The following DST variants were observed in gnomAD, a reference collection of about 807,000 sequenced individuals.
DST encodes the protein dystonin.
In DST, 253 loss-of-function variants were observed where a neutral mutation model predicts 875.2. The ratio of observed to expected loss-of-function variants is 0.29; its 90% CI spans 0.26 to 0.32. DST has a LOEUF of 0.32. Ranked by LOEUF, DST falls within the 10% of genes least tolerant of loss-of-function variation. DST has a pLI of 1.00. For missense variants in DST, 8,287 were observed against 9,111.6 expected (o/e 0.91, Z 3.68); for synonymous variants, 3,124 against 3,197.1 (o/e 0.98, Z 0.77).
chr6:56,601,390 T>C, intron 44 of DST, 53 bp downstream of exon 44: 1 of 1,233,202 alleles, frequency 8.1e-7, no homozygotes, highest in Non-Finnish European at 1.2e-6. Flanking sequence ...GGTATCTACA[T>C]TATGGTTTCA....
intron 4 of DST, among the ~76,000 whole-genome samples, chr6:56,770,099 C>T (rs189324115): frequency 1.7e-3 from 266 of 152,318 alleles, no homozygotes; most frequent in African/African-American, 5.4e-3. Context: ...CCCTTCAGAG[C>T]ATCCATTCTG....
chr6:56,605,118 G>C lies in DST; in HGVS notation c.9510C>G (p.Phe3170Leu). The change falls in exon 40 of 104, where the codon TTC (phenylalanine) becomes TTG (leucine). Residue 3170 changes from phenylalanine to leucine, a missense_variant. This residue lies in a region of DST where 3,138 missense variants were observed against 3,116.6 expected (regional missense o/e 1.01). Transcript: ENST00000680361. ...WEGNTHFEES[F>L]TDGPEKELDL... ...CAAGCTCTTTCTCAGGTCCATCAGTGAATGACTCCTCAAAATGTGTATTCC... is the reference window on the plus strand; with the variant it reads ...CAAGCTCTTTCTCAGGTCCATCAGTCAATGACTCCTCAAAATGTGTATTCC... 6.2e-7 allele frequency: 1 copy of C among 1,612,580 alleles called. No homozygotes were observed. The highest frequency in any genetic ancestry group is 8.5e-7 in the Non-Finnish European group (1 of 1,179,238).
At chr6:56,722,117 A>C (rs921141209) in intron 5 of DST, among the ~76,000 whole-genome samples, 3 of 142,472 alleles carry the variant, frequency 2.1e-5, no homozygotes, top group African/African-American at 8.3e-5. Context: ...GGACATTAAC[A>C]AAAAAAAAAA....
In DST at chr6:56,606,042, T is replaced by G. The variant is rs1370197996; in HGVS notation, c.8586A>C (p.Lys2862Asn). The G allele has an allele frequency of 6.2e-7, 1 of 1,613,004 alleles. No homozygotes were observed. The highest frequency in any genetic ancestry group is 8.5e-7 in the Non-Finnish European group (1 of 1,179,340). Reference protein sequence around the residue: ...ENINTMILLDKMHSCSSLEKQ... With the variant: ...ENINTMILLDNMHSCSSLEKQ... ...TTTCTAAAGAGCTACAACTGTGCATTTTATCCAGAAGAATCATTGTATTAA... is the reference window on the plus strand; with the variant it reads ...TTTCTAAAGAGCTACAACTGTGCATGTTATCCAGAAGAATCATTGTATTAA... The change falls in exon 40 of 104, where the codon AAA becomes AAC. Residue 2862 changes from lysine to asparagine, a missense_variant. Transcript: ENST00000680361.
Position 56,482,812 on chromosome 6 carries a change from T to C in DST, c.21273A>G (p.Glu7091=). 6.2e-7 allele frequency: 1 copy of C among 1,613,504 alleles called. No homozygotes were observed. The highest frequency in any genetic ancestry group is 1.7e-5 in the Admixed American group (1 of 59,984). ...SVQALKRSAR[E]LIEGSRDDSS... is the part of the protein sequence containing the mutation. The stretch of plus-strand genomic sequence containing the variant: ...AGTCATCCCGACTGCCTTCTATGAG[T>C]TCTCGGGCTGAGCGCTTCAGGGCCT... The change falls in exon 89 of 104, where the codon GAA becomes GAG. Residue 7091 remains glutamate (E), a synonymous_variant. Coordinates refer to ENST00000680361, the MANE Select transcript of DST (RefSeq NM_001374736.1).
At chr6:56,653,323 T>C (rs2152801542) in intron 10 of DST, among the ~76,000 whole-genome samples, 1 of 152,326 alleles carries the variant, frequency 6.6e-6, no homozygotes, top group Admixed American at 6.5e-5. Context: ...TGAAATGGTT[T>C]TCCTCCACTA....
intron 9 of DST, among the ~76,000 whole-genome samples, chr6:56,672,578 C>G (rs746492988): frequency 2.0e-5 from 3 of 152,072 alleles, no homozygotes; most frequent in Non-Finnish European, 1.5e-5. Flanking sequence ...AATTATGCTA[C>G]AGTACCTTTC....
intron 15 of DST, among the ~76,000 whole-genome samples, chr6:56,644,998 C>A (rs2098933890): frequency 6.6e-6 from 1 of 152,218 alleles, no homozygotes; most frequent in South Asian, 2.1e-4. Flanking sequence ...TTCCCCTGCA[C>A]AAGCTCTTGC....
chr6:56,801,654 G>A (rs1270990903), intron 4 of DST, among the ~76,000 whole-genome samples: 1 of 151,014 alleles, frequency 6.6e-6, no homozygotes, highest in African/African-American at 2.4e-5. Flanking sequence ...TGTTTGAGAA[G>A]CCCCAAGGAA....
chr6:56,588,338 T>C (rs2152676945), intron 49 of DST, among the ~76,000 whole-genome samples: 1 of 152,298 alleles, frequency 6.6e-6, no homozygotes, highest in South Asian at 2.1e-4. Flanking sequence ...ATACCAACTT[T>C]TTCATGCAAC....
chr6:56,561,664 A>G (rs559533218), intron 56 of DST, 115 bp from the exon 57 acceptor site: 42 of 967,158 alleles, frequency 4.3e-5, no homozygotes, highest in Non-Finnish European at 5.9e-5. Context: ...GTCATTATTA[A>G]GCCTAGTAGA....
chr6:56,840,396 A>AACAATAAT (rs1423110381), intron 4 of DST, among the ~76,000 whole-genome samples: 7 of 152,222 alleles, frequency 4.6e-5, no homozygotes, highest in Non-Finnish European at 1.0e-4. Context: ...TTTCTAGCCT[A>AACAATAAT]AACAATAATA....
At chr6:56,723,478 C>T (rs1377714361) in intron 5 of DST, among the ~76,000 whole-genome samples, 2 of 152,040 alleles carry the variant, frequency 1.3e-5, no homozygotes, top group Non-Finnish European at 2.9e-5. Flanking sequence ...GCAGGAGAAT[C>T]GCTTAACCCC....
At chr6:56,501,799 G>A in intron 78 of DST, 106 bp from the exon 79 acceptor site, 1 of 756,080 alleles carries the variant, frequency 1.3e-6, no homozygotes, top group East Asian at 3.2e-5. Flanking sequence ...ACTTACTGAG[G>A]GGAGGTGACG....
At chr6:56,590,112 C>T (rs907128502) in intron 49 of DST, among the ~76,000 whole-genome samples, 22 of 152,210 alleles carry the variant, frequency 1.4e-4, no homozygotes, top group African/African-American at 5.1e-4. Context: ...TTTAATTGTA[C>T]ATTTAATTTT....
At chr6:56,563,660 A>G (rs1283877021) in intron 55 of DST, among the ~76,000 whole-genome samples, 3 of 152,260 alleles carry the variant, frequency 2.0e-5, no homozygotes, top group East Asian at 1.9e-4. Context: ...GCCCATGCCT[A>G]TGTCCTGAAT....
At chr6:56,501,271 T>C (rs1439445780) in intron 79 of DST, 36 bp from the exon 80 acceptor site, 1 of 1,548,286 alleles carries the variant, frequency 6.5e-7, no homozygotes. Context: ...CATTTATAAA[T>C]TTGATATTAT....
At chr6:56,875,128 C>G (rs1003338327) in intron 3 of DST, among the ~76,000 whole-genome samples, 90 of 152,296 alleles carry the variant, frequency 5.9e-4, no homozygotes, top group Middle Eastern at 3.4e-3. Context: ...GGACTACAGG[C>G]GCCCGCCACC....
chr6:56,637,773 C>T (rs1017035238), intron 22 of DST, among the ~76,000 whole-genome samples: 1 of 151,940 alleles, frequency 6.6e-6, no homozygotes, highest in African/African-American at 2.4e-5. Flanking sequence ...AGAGGGCACT[C>T]GAGATGCTTT....
Sources: gnomAD v4.1 joint callset for allele counts (sites outside exome capture counted in the v4.1 genomes callset) on GRCh38, gnomAD v4.1.1 for gene constraint, gnomAD v4.1.1 regional missense constraint, MANE v1.5 for transcripts, NCBI Gene and HGNC (gene_info 2026-07-23, HGNC 2026-07-21) for gene names.